PTPRT: variants seen among roughly 807,000 people sequenced by gnomAD.
PTPRT encodes the protein receptor-type tyrosine-protein phosphatase T.
A neutral mutation model predicts 176.8 loss-of-function variants in PTPRT; 56 were observed. That is an observed-to-expected ratio of 0.32 (90% CI 0.26 to 0.40). The LOEUF is 0.40. Among genes scored for constraint, PTPRT ranks in the 10% least tolerant of loss-of-function variants. The pLI is 1.00. For missense variants in PTPRT, 1,540 were observed against 1,908.2 expected (o/e 0.81, Z 3.60); for synonymous variants, 783 against 739.0 (o/e 1.06, Z -0.96).
At chr20:43,178,126 A>C (rs1292183943) in intron 1 of PTPRT, among the ~76,000 whole-genome samples, 3 of 152,200 alleles carry the variant, frequency 2.0e-5, no homozygotes, top group South Asian at 2.1e-4. Context: ...AAAACCATAC[A>C]TTTCCTCTTT....
intron 13 of PTPRT, among the ~76,000 whole-genome samples, chr20:42,272,334 C>G (rs1024861955): frequency 5.9e-5 from 9 of 152,132 alleles, no homozygotes; most frequent in Middle Eastern, 3.4e-3. Flanking sequence ...GCCTGCAAAG[C>G]TGAAAATATT....
At position 42,115,190 on chromosome 20, in the gene PTPRT, G is replaced by C. The variant is rs1190507489; in HGVS notation, c.3099+9C>G. The C allele has an allele frequency of 6.2e-7, 1 of 1,606,250 alleles. No individual in the cohort carries two copies. Among genetic ancestry groups the C allele is most frequent in the Non-Finnish European group, 8.5e-7 (1 of 1,172,970 alleles). On this transcript the variant is annotated intron_variant, in intron 22 of 30. Transcript: ENST00000373187. ...TGGACCGGCTGCCCACAGCCTCCAA[G>C]AAGCTTACCTTCTGGACTGTGAAGG...
intron 1 of PTPRT, among the ~76,000 whole-genome samples, chr20:42,957,734 G>A (rs1981725485): frequency 6.6e-6 from 1 of 151,894 alleles, no homozygotes; most frequent in African/African-American, 2.4e-5. Context: ...ACCCATCTCT[G>A]GAAATTTTTT....
chr20:42,887,107 G>T (rs2079115934), intron 1 of PTPRT, among the ~76,000 whole-genome samples: 1 of 152,252 alleles, frequency 6.6e-6, no homozygotes, highest in South Asian at 2.1e-4. Context: ...AACGCTCACA[G>T]GTTTCCCACC....
chr20:42,127,886 C>T (rs1361622870), intron 19 of PTPRT, among the ~76,000 whole-genome samples: 2 of 152,184 alleles, frequency 1.3e-5, no homozygotes, highest in Non-Finnish European at 2.9e-5. Context: ...TTTCTTCCCT[C>T]GGATCTGTCT....
chr20:42,633,819 A>ATT (rs1162225733), intron 7 of PTPRT, among the ~76,000 whole-genome samples: 1 of 85,612 alleles, frequency 1.2e-5, no homozygotes, highest in East Asian at 2.8e-4. Flanking sequence ...ATATATATAT[A>ATT]ATAAAATATT....
intron 16 of PTPRT, among the ~76,000 whole-genome samples, chr20:42,185,343 C>T (rs1256240911): frequency 1.3e-5 from 2 of 152,128 alleles, no homozygotes; most frequent in Non-Finnish European, 2.9e-5. Flanking sequence ...TGAATCTCTG[C>T]CTATATTTGT....
intron 2 of PTPRT, among the ~76,000 whole-genome samples, chr20:42,793,692 G>A (rs973615953): frequency 6.6e-6 from 1 of 152,038 alleles, no homozygotes; most frequent in African/African-American, 2.4e-5. Context: ...CTCGCAAGGG[G>A]GCAGCTAAAA....
intron 7 of PTPRT, among the ~76,000 whole-genome samples, chr20:42,558,260 G>A (rs542757333): frequency 1.6e-4 from 25 of 152,094 alleles, no homozygotes; most frequent in African/African-American, 4.6e-4. Context: ...GTCTTCCAGC[G>A]TTAGTTTTCT....
chr20:42,525,718 T>A (rs2072256383), intron 7 of PTPRT, among the ~76,000 whole-genome samples: 1 of 152,208 alleles, frequency 6.6e-6, no homozygotes. Flanking sequence ...CCTCTTCGAG[T>A]CTCTATAATA....
At chr20:42,609,046 G>A (rs76596638) in intron 7 of PTPRT, among the ~76,000 whole-genome samples, 472 of 152,192 alleles carry the variant, frequency 3.1e-3, no homozygotes, top group Middle Eastern at 6.8e-3. Flanking sequence ...TCTCTATGAG[G>A]AAGATAATAC....
chr20:42,817,583 G>A lies in PTPRT; in HGVS notation c.215-26117C>T, dbSNP rs140175877. On this transcript the variant is annotated intron_variant, in intron 2 of 30. Transcript: ENST00000373187. Reference sequence around the variant, plus strand: ...AATGCCTTTTGTTATGATTTCAGCAGGATGAGGTGAGAAAAACAATCTCTA... The same window carrying A: ...AATGCCTTTTGTTATGATTTCAGCAAGATGAGGTGAGAAAAACAATCTCTA... 8.9e-3 allele frequency among the ~76,000 whole-genome samples: 1,357 copies of A among 152,300 alleles called. 22 individuals carry two copies. Among genetic ancestry groups the A allele is most frequent in the African/African-American group, 0.031 (1,290 of 41,556 alleles).
In PTPRT at chr20:43,068,488, G is replaced by C. The variant is rs1020401548; in HGVS notation, c.88+121158C>G. Among the ~76,000 whole-genome samples, 154 of 137,804 alleles carry C rather than the reference G, an allele frequency of 1.1e-3. 1 individual carries two copies. Among genetic ancestry groups the C allele is most frequent in the African/African-American group, 4.3e-3 (150 of 35,102 alleles). The allele number at this position is 137,804 out of a possible 152,430, so 90.4% of individuals were successfully genotyped here. ...CCACTGCACTCCAGCCTGGGCAACAGAGAGAGACTCTGTCTCAAAAAAAAA... is the reference window on the plus strand; with the variant it reads ...CCACTGCACTCCAGCCTGGGCAACACAGAGAGACTCTGTCTCAAAAAAAAA... On this transcript the variant is annotated intron_variant, in intron 1 of 30. Coordinates refer to ENST00000373187, the MANE Select transcript of PTPRT (RefSeq NM_007050.6).
chr20:42,960,130 C>T (rs1017563543), intron 1 of PTPRT, among the ~76,000 whole-genome samples: 1 of 152,178 alleles, frequency 6.6e-6, no homozygotes, highest in Admixed American at 6.5e-5. Context: ...CCCTCATATA[C>T]AGTCACCAAC....
chr20:42,905,627 T>C (rs2079465322), intron 1 of PTPRT, among the ~76,000 whole-genome samples: 1 of 152,220 alleles, frequency 6.6e-6, no homozygotes, highest in African/African-American at 2.4e-5. Context: ...CATATGTTTA[T>C]TGTGGCACTA....
intron 13 of PTPRT, among the ~76,000 whole-genome samples, chr20:42,271,599 G>A (rs2056936686): frequency 6.6e-6 from 1 of 152,148 alleles, no homozygotes; most frequent in African/African-American, 2.4e-5. Flanking sequence ...AATATTTGTT[G>A]AATAAATGAA....
intron 2 of PTPRT, among the ~76,000 whole-genome samples, chr20:42,832,704 A>C (rs7363793): frequency 0.022 from 3,295 of 151,014 alleles, 117 homozygotes; most frequent in African/African-American, 0.071. Context: ...CAGAAAGAAA[A>C]AAAAAAAAAG....
chr20:42,032,760 C>T, the PTPRT span, among the ~76,000 whole-genome samples: 115 of 151,082 alleles, frequency 7.6e-4, no homozygotes, highest in Middle Eastern at 3.4e-3. Flanking sequence ...CTCTCTCCTT[C>T]TCTCTCTCTC....
chr20:42,896,292 T>C (rs1465552275), intron 1 of PTPRT, among the ~76,000 whole-genome samples: 1 of 151,694 alleles, frequency 6.6e-6, no homozygotes, highest in Non-Finnish European at 1.5e-5. Context: ...CTACAAAATT[T>C]GGAGCGCCCC....
Sources: allele counts gnomAD v4.1 joint callset (sites outside exome capture counted in the v4.1 genomes callset), GRCh38; gene constraint gnomAD v4.1.1; transcripts MANE v1.5; gene names NCBI Gene and HGNC (gene_info 2026-07-23, HGNC 2026-07-21).